ZNF274: variants seen among roughly 807,000 people sequenced by gnomAD.
ZNF274 encodes the protein neurotrophin receptor-interacting factor homolog.
A neutral mutation model predicts 42.5 loss-of-function variants in ZNF274; 23 were observed. That is an observed-to-expected ratio of 0.54 (90% CI 0.39 to 0.77). The LOEUF (loss-of-function observed/expected upper bound fraction) is 0.77. ZNF274 is among the 30% of genes least tolerant of loss of function. The pLI, the probability that ZNF274 is intolerant of heterozygous loss-of-function variation, is 0.00. For synonymous variants in ZNF274, 292 were observed against 305.4 expected, an observed-to-expected ratio of 0.96 and a Z score of 0.46; for missense variants, 679 against 806.5, an observed-to-expected ratio of 0.84 and a Z score of 1.91.
chr19:58,183,958 A>G lies in ZNF274; in HGVS notation c.-8A>G. 6.3e-7 allele frequency: 1 copy of G among 1,594,456 alleles called. No individual in the cohort carries two copies. The highest frequency in any genetic ancestry group is 8.5e-7 in the Non-Finnish European group (1 of 1,170,422). On this transcript the variant is annotated 5_prime_UTR_variant, in exon 2 of 8. Transcript: ENST00000617501. ...TTCCACCAGAGACACATTGAGAAGG[A>G]GGAAACTATGGCCTCCAGGCTTCCG...
At position 58,186,359 on chromosome 19, in the gene ZNF274, C is replaced by A. The variant is rs561692932; in HGVS notation, c.160+521C>A. Among the ~76,000 whole-genome samples the A allele has an allele frequency of 4.0e-5, 6 of 151,748 alleles. No homozygotes were observed. In the South Asian group the frequency reaches 1.3e-3, roughly 32 times the overall value. On this transcript the variant is annotated intron_variant, in intron 3 of 7. Coordinates refer to ENST00000617501, the MANE Select transcript of ZNF274 (RefSeq NM_133502.3). ...TTGAGGTCAGGAGTTCTAGACCAAC[C>A]TGACCAACATGATGAAACCCTGTCT...
Position 58,186,963 on chromosome 19 carries a change from A to T in ZNF274, c.177A>T (p.Lys59Asn). 6.2e-7 allele frequency: 1 copy of T among 1,613,724 alleles called. No homozygotes were observed. The highest frequency in any genetic ancestry group is 8.5e-7 in the Non-Finnish European group (1 of 1,179,792). ...NLVSVEHQLS[K>N]PDVVSQLEEA... ...TTTGAGCAGAACATCAGCTTTCCAA[A>T]CCAGATGTGGTATCTCAGTTAGAGG... is the stretch of plus-strand genomic sequence containing the variant. The change falls in exon 4 of 8, where the codon AAA (lysine) becomes AAT (asparagine). Residue 59 changes from lysine (K) to asparagine (N), a missense_variant. By Grantham distance (94) the Lys-to-Asn change is moderately conservative (BLOSUM62 0). Coordinates refer to ENST00000617501, the MANE Select transcript of ZNF274 (RefSeq NM_133502.3).
Position 58,213,115 on chromosome 19 carries a change from A to G in ZNF274, c.1934A>G (p.Lys645Arg). 1 of 1,611,120 alleles carries G rather than the reference A, an allele frequency of 6.2e-7. No individual in the cohort carries two copies. Among genetic ancestry groups the G allele is most frequent in the Non-Finnish European group, 8.5e-7 (1 of 1,178,180 alleles). Reference protein sequence around the residue: ...IGHQRTHNRTKRKKKQPTS With the variant: ...IGHQRTHNRTRRKKKQPTS ...CACCAGAGAACCCACAATAGGACAAAGCGAAAGAAGAAACAGCCTACCTCA... is the reference window on the plus strand; with the variant it reads ...CACCAGAGAACCCACAATAGGACAAGGCGAAAGAAGAAACAGCCTACCTCA... Residue 645 changes from lysine to arginine, a missense_variant, in exon 8 of 8, where the codon AAG becomes AGG. Physicochemically the swap from Lys to Arg is conservative, Grantham distance 26. Transcript: ENST00000617501.
chr19:58,206,834 G>T lies in ZNF274; in HGVS notation c.371G>T (p.Arg124Leu). The change falls in exon 5 of 8, where the codon CGG becomes CTG. Residue 124 changes from arginine to leucine, a missense_variant. By Grantham distance (102) the Arg-to-Leu change is moderately radical. Transcript: ENST00000617501. Reference sequence around the variant, plus strand: ...CTGAACCAGGAGGTGGCTGGTCCCCGGAATGCCCAGATCCAGGCCCTATAT... The same window carrying T: ...CTGAACCAGGAGGTGGCTGGTCCCCTGAATGCCCAGATCCAGGCCCTATAT... Reference protein sequence around the residue: ...LTLNQEVAGPRNAQIQALYAE... With the variant: ...LTLNQEVAGPLNAQIQALYAE... 2 of 1,613,948 alleles carry T rather than the reference G, an allele frequency of 1.2e-6. No homozygotes were observed. Among genetic ancestry groups the T allele is most frequent in the Non-Finnish European group, 1.7e-6 (2 of 1,179,872 alleles).
Position 58,212,546 on chromosome 19 carries a change from A to G in ZNF274, c.1365A>G (p.Ser455=), listed in dbSNP as rs746208695. Residue 455 remains serine (S), a synonymous_variant, in exon 8 of 8, where the codon TCA becomes TCG. Coordinates refer to ENST00000617501, the MANE Select transcript of ZNF274 (RefSeq NM_133502.3). The surrounding 1 kb of genome is among the most constrained non-coding windows in gnomAD (Gnocchi z 4.6). ...GAAAACGATTGCGCAAACGTGACTCACAAGTTAAAAGTATGAAACATAATT... is the reference window on the plus strand; with the variant it reads ...GAAAACGATTGCGCAAACGTGACTCGCAAGTTAAAAGTATGAAACATAATT... ...PPRKRLRKRD[S]QVKSMKHNSR... The G allele has an allele frequency of 1.9e-6, 3 of 1,613,936 alleles. No homozygotes were observed. In the African/African-American group the frequency reaches 4.0e-5, roughly 22 times the overall value.
intron 4 of ZNF274, 35 bp downstream of exon 4, chr19:58,187,077 G>A (rs1313640940): frequency 6.4e-7 from 1 of 1,553,548 alleles, no homozygotes; most frequent in East Asian, 2.3e-5. Flanking sequence ...CCACAGGGAA[G>A]GGGCCAACTG....
In ZNF274 at chr19:58,208,962, T is replaced by G. The variant is rs918245219; in HGVS notation, c.740-999T>G. 3 of 152,168 alleles carry G rather than the reference T, an allele frequency of 2.0e-5. No homozygotes were observed. Among genetic ancestry groups the G allele is most frequent in the Non-Finnish European group, 4.4e-5 (3 of 68,056 alleles). 9.4% of individuals were successfully genotyped at this position (152,168 alleles called of 1,614,324 possible). A position where few individuals can be genotyped will look rare whatever the true frequency, so the allele number is the denominator to read the frequency against. On this transcript the variant is annotated intron_variant, in intron 5 of 7. Transcript: ENST00000617501. This position sits in a 1 kb window ranked among gnomAD's most constrained non-coding sequence, Gnocchi z 4.5. ...TCCAGAGAACCCTGAGAATCTCACATTATGTGATCAGTGTGTTAGTTGGGA... is the reference window on the plus strand; with the variant it reads ...TCCAGAGAACCCTGAGAATCTCACAGTATGTGATCAGTGTGTTAGTTGGGA...
intron 4 of ZNF274, among the ~76,000 whole-genome samples, chr19:58,193,445 C>CTTTTTT (rs71188098): frequency 1.3e-4 from 6 of 47,786 alleles, no homozygotes; most frequent in Non-Finnish European, 1.4e-4. Flanking sequence ...CGCGCCTGGC[C>CTTTTTT]TTTTTTTTTT....
chr19:58,191,520 G>A (rs986853969), intron 4 of ZNF274, among the ~76,000 whole-genome samples: 4 of 152,236 alleles, frequency 2.6e-5, no homozygotes, highest in African/African-American at 7.2e-5. Flanking sequence ...TCTTGGAGCT[G>A]AGGACTCATG....
intron 4 of ZNF274, among the ~76,000 whole-genome samples, chr19:58,198,919 A>G (rs2075875712): frequency 1.3e-5 from 2 of 149,924 alleles, no homozygotes; most frequent in African/African-American, 4.9e-5. Context: ...GCAGTGGCTC[A>G]CCCATCTCAG....
chr19:58,184,114 G>C, intron 2 of ZNF274, 116 bp downstream of exon 2: 1 of 1,236,018 alleles, frequency 8.1e-7, no homozygotes, highest in Non-Finnish European at 1.1e-6. Context: ...CCTCGGGGAG[G>C]GGGTAGAGAT....
Position 58,212,399 on chromosome 19 carries a change from G to A in ZNF274, c.1218G>A (p.Gln406=). Residue 406 remains glutamine, a synonymous_variant, in exon 8 of 8, where the codon CAG becomes CAA. Transcript: ENST00000617501. This position sits in a 1 kb window ranked among gnomAD's most constrained non-coding sequence, Gnocchi z 4.6. ...AGCACTTTGACAACCGTGAGTCCCA[G>A]GCAAACAGTGGTGCTCTTGACACAA... The part of the protein sequence containing the change: ...QKKHFDNRES[Q]ANSGALDTNQ... The A allele has an allele frequency of 6.2e-7, 1 of 1,613,094 alleles. No individual in the cohort carries two copies. The highest frequency in any genetic ancestry group is 1.1e-5 in the South Asian group (1 of 91,074).
chr19:58,211,559 G>C lies in ZNF274; in HGVS notation c.853-1G>C. On this transcript the variant is annotated splice_acceptor_variant, in intron 6 of 7. Coordinates refer to ENST00000617501, the MANE Select transcript of ZNF274 (RefSeq NM_133502.3). LOFTEE classifies it high-confidence loss of function. This position sits in a 1 kb window ranked among gnomAD's most constrained non-coding sequence, Gnocchi z 4.8. ...GCATAGACACATATGTGATGTTACA[G>C]GAGCCAGTGACCTTCCAGGATGTGG... The C allele has an allele frequency of 6.2e-7, 1 of 1,611,706 alleles. No individual in the cohort carries two copies. The highest frequency in any genetic ancestry group is 8.5e-7 in the Non-Finnish European group (1 of 1,178,550).
rs559841811 is a variant in ZNF274, at chr19:58,212,894, C to T, written c.1713C>T (p.Thr571=). ...TTGAATGTCAGGAGTGTGGGAGGAC[C>T]TTCAATGATCGCTCAGCCATCTCCC... ...RPFECQECGR[T]FNDRSAISQH... Residue 571 remains threonine, a synonymous_variant, in exon 8 of 8, where the codon ACC becomes ACT. Transcript: ENST00000617501. The surrounding 1 kb of genome is among the most constrained non-coding windows in gnomAD (Gnocchi z 4.6). 6.2e-6 allele frequency: 10 copies of T among 1,613,988 alleles called. No individual in the cohort carries two copies. In the East Asian group the frequency reaches 6.7e-5, roughly 11 times the overall value.
At chr19:58,195,196 C>CAAA (rs11384650) in intron 4 of ZNF274, among the ~76,000 whole-genome samples, 1 of 122,508 alleles carries the variant, frequency 8.2e-6, no homozygotes, top group Admixed American at 8.2e-5. Context: ...GACTCTGTCT[C>CAAA]AAAAAAAAAA....
At chr19:58,188,474 A>G (rs966857007) in intron 4 of ZNF274, among the ~76,000 whole-genome samples, 1 of 151,164 alleles carries the variant, frequency 6.6e-6, no homozygotes, top group African/African-American at 2.4e-5. Flanking sequence ...TACAAAAATT[A>G]GCTGGGCATG....
rs187332435 is a variant in ZNF274, at chr19:58,191,704, A to G, written c.256+4662A>G. ...GAGGCCACATGAGGGGAGGCTCATC[A>G]GGAGGTACTGTTGCAGTCTCAGCCT... On this transcript the variant is annotated intron_variant, in intron 4 of 7. Coordinates refer to ENST00000617501, the MANE Select transcript of ZNF274 (RefSeq NM_133502.3). Among the ~76,000 whole-genome samples, 222 of 152,302 alleles carry G rather than the reference A, an allele frequency of 1.5e-3. 1 individual carries two copies. Among genetic ancestry groups the G allele is most frequent in the Middle Eastern group, 6.8e-3 (2 of 294 alleles).
intron 4 of ZNF274, among the ~76,000 whole-genome samples, chr19:58,195,726 G>T (rs1230190791): frequency 6.6e-6 from 1 of 152,154 alleles, no homozygotes; most frequent in Admixed American, 6.6e-5. Context: ...TTGGGGTGGG[G>T]AGGGATAGTT....
In ZNF274 at chr19:58,185,821, G is replaced by A. The variant is rs1047190656; in HGVS notation, c.143G>A (p.Arg48Lys). 1.4e-6 allele frequency: 2 copies of A among 1,398,886 alleles called. No individual in the cohort carries two copies. Among genetic ancestry groups the A allele is most frequent in the Admixed American group, 5.3e-5 (2 of 37,566 alleles). 86.7% of individuals were successfully genotyped at this position (1,398,886 alleles called of 1,614,324 possible). ...LYREVMLENY[R>K]NLVSVEHQLS... ...AGGGAAGTGATGCTGGAGAACTACAGGAACCTGGTCTCAGTGGGTAAGGCT... is the reference window on the plus strand; with the variant it reads ...AGGGAAGTGATGCTGGAGAACTACAAGAACCTGGTCTCAGTGGGTAAGGCT... The change falls in exon 3 of 8, where the codon AGG becomes AAG. Residue 48 changes from arginine (R) to lysine (K), a missense_variant. This residue lies in a region of ZNF274 where 223 missense variants were observed against 216.4 expected (regional missense o/e 1.03). Transcript: ENST00000617501.
Sources: gnomAD v4.1 joint callset for allele counts (sites outside exome capture counted in the v4.1 genomes callset) on GRCh38, gnomAD v4.1.1 for gene constraint, gnomAD v4.1.1 regional missense constraint, Gnocchi (gnomAD v3.1) non-coding constraint, MANE v1.5 for transcripts, NCBI Gene and HGNC (gene_info 2026-07-23, HGNC 2026-07-21) for gene names.